The following SAMD3 variants were observed in gnomAD, a reference collection of about 807,000 sequenced individuals.
The protein encoded by SAMD3 is sterile alpha motif domain containing 3.
In SAMD3, 63 loss-of-function variants were observed where a neutral mutation model predicts 58.5. The ratio of observed to expected loss-of-function variants is 1.08; its 90% CI spans 0.88 to 1.33. The LOEUF is 1.33. SAMD3 is among the 40% of genes most tolerant of loss of function. The pLI, the probability that SAMD3 is intolerant of heterozygous loss-of-function variation, is 0.00. For synonymous variants in SAMD3, 220 were observed against 210.3 expected, an observed-to-expected ratio of 1.05 and a Z score of -0.40; for missense variants, 604 against 608.4, an observed-to-expected ratio of 0.99 and a Z score of 0.08.
intron 2 of SAMD3, among the ~76,000 whole-genome samples, chr6:130,244,520 A>G (rs1773470790): frequency 1.3e-5 from 2 of 152,058 alleles, no homozygotes; most frequent in African/African-American, 4.8e-5. Context: ...AGGGAGAATC[A>G]CCTGAACTCA....
chr6:130,311,671 T>A (rs1272438411), intron 2 of SAMD3, among the ~76,000 whole-genome samples: 1 of 152,182 alleles, frequency 6.6e-6, no homozygotes, highest in Non-Finnish European at 1.5e-5. Context: ...GATGGTCTCC[T>A]CTGTCCACAT....
chr6:130,229,417 CTCTT>C (rs1796477763), intron 2 of SAMD3, among the ~76,000 whole-genome samples: 1 of 152,284 alleles, frequency 6.6e-6, no homozygotes, highest in Admixed American at 6.5e-5. Flanking sequence ...ACTTATCTTT[CTCTT>C]TACCCTGGTG....
intron 1 of SAMD3, among the ~76,000 whole-genome samples, chr6:130,326,487 A>G (rs576845528): frequency 3.4e-5 from 5 of 147,872 alleles, no homozygotes; most frequent in African/African-American, 1.3e-4. Context: ...CTTTTGTCCT[A>G]TTGTACCTTG....
chr6:130,187,932 A>T (rs1258422542), intron 5 of SAMD3, among the ~76,000 whole-genome samples: 1 of 152,222 alleles, frequency 6.6e-6, no homozygotes, highest in South Asian at 2.1e-4. Context: ...GTTAATGCCT[A>T]CAGTTGGCCC....
At chr6:130,236,398 T>TTTTG (rs999090216) in intron 2 of SAMD3, among the ~76,000 whole-genome samples, 14 of 151,892 alleles carry the variant, frequency 9.2e-5, no homozygotes, top group Admixed American at 5.9e-4. Context: ...TTTTTTTTTT[T>TTTTG]TCCGAGATGG....
intron 10 of SAMD3, 115 bp from the exon 11 acceptor site, chr6:130,145,537 C>T: frequency 1.6e-6 from 1 of 609,114 alleles, no homozygotes; most frequent in Non-Finnish European, 2.9e-6. Context: ...AACAAACTAG[C>T]CTTCTTAGAT....
intron 2 of SAMD3, among the ~76,000 whole-genome samples, chr6:130,308,441 T>TCTATTCTATTCTA (rs1776023834): frequency 6.7e-6 from 1 of 150,034 alleles, no homozygotes; most frequent in South Asian, 2.1e-4. Flanking sequence ...TTCTATTCTT[T>TCTATTCTATTCTA]TGTGTGTGTG....
chr6:130,279,029 C>T (rs1774887786), intron 2 of SAMD3, among the ~76,000 whole-genome samples: 1 of 152,164 alleles, frequency 6.6e-6, no homozygotes, highest in Non-Finnish European at 1.5e-5. Flanking sequence ...TAATTCTCAG[C>T]TCCACTACTT....
At chr6:130,277,280 A>G (rs562878418) in intron 2 of SAMD3, among the ~76,000 whole-genome samples, 1 of 152,120 alleles carries the variant, frequency 6.6e-6, no homozygotes, top group Non-Finnish European at 1.5e-5. Flanking sequence ...TTAGGGTGGG[A>G]CTATTATCAT....
intron 7 of SAMD3, chr6:130,176,314 C>T: frequency 3.1e-6 from 1 of 323,662 alleles, no homozygotes; most frequent in Non-Finnish European, 5.8e-6. Flanking sequence ...TTTCTAATTC[C>T]CAAAAGTGAT....
chr6:130,165,196 C>T (rs1329954927), intron 8 of SAMD3, among the ~76,000 whole-genome samples: 1 of 151,954 alleles, frequency 6.6e-6, no homozygotes, highest in Non-Finnish European at 1.5e-5. Context: ...AAATGAAGAC[C>T]TCTTAGTGAT....
chr6:130,260,542 G>A (rs544817947), intron 2 of SAMD3, among the ~76,000 whole-genome samples: 15 of 152,286 alleles, frequency 9.8e-5, no homozygotes, highest in South Asian at 2.1e-4. Flanking sequence ...CAATGCTCCC[G>A]GCTGAATAAA....
intron 1 of SAMD3, among the ~76,000 whole-genome samples, chr6:130,336,416 T>C (rs751728568): frequency 4.6e-5 from 7 of 152,218 alleles, no homozygotes; most frequent in Non-Finnish European, 1.0e-4. Context: ...TGGGGCTATC[T>C]CTGGGAAAGT....
chr6:130,227,988 C>T lies in SAMD3; in HGVS notation c.-187-5175G>A, dbSNP rs145492439. Among the ~76,000 whole-genome samples the T allele has an allele frequency of 1.5e-4, 23 of 152,032 alleles. No homozygotes were observed. In the East Asian group the frequency reaches 4.5e-3, roughly 29 times the overall value. On this transcript the variant is annotated intron_variant, in intron 2 of 13. Transcript: ENST00000368134. Reference sequence around the variant, plus strand: ...TGCACAGCTAATTGAATAAGGATACCCTTTTTAAGAAAAATCAGGTCCAGC... The same window carrying T: ...TGCACAGCTAATTGAATAAGGATACTCTTTTTAAGAAAAATCAGGTCCAGC...
At chr6:130,195,392 G>T (rs1318769995) in intron 5 of SAMD3, among the ~76,000 whole-genome samples, 1 of 152,146 alleles carries the variant, frequency 6.6e-6, no homozygotes, top group South Asian at 2.1e-4. Context: ...ACAGCATGGT[G>T]TTTTAAAGCC....
At chr6:130,168,557 A>C (rs1485862046) in intron 8 of SAMD3, among the ~76,000 whole-genome samples, 11 of 152,178 alleles carry the variant, frequency 7.2e-5, no homozygotes, top group Admixed American at 7.2e-4. Flanking sequence ...TAAGCAAAAC[A>C]AAAGAAAATC....
chr6:130,203,907 G>A (rs1415546150), intron 5 of SAMD3, among the ~76,000 whole-genome samples: 1 of 152,166 alleles, frequency 6.6e-6, no homozygotes, highest in Non-Finnish European at 1.5e-5. Context: ...ACAACTGTAT[G>A]GCCCCTTGCC....
intron 2 of SAMD3, among the ~76,000 whole-genome samples, chr6:130,293,814 A>G (rs1278740040): frequency 2.0e-5 from 3 of 151,800 alleles, no homozygotes; most frequent in Non-Finnish European, 4.4e-5. Context: ...ACTACCAAAG[A>G]CTTCATAGTT....
intron 8 of SAMD3, among the ~76,000 whole-genome samples, chr6:130,157,077 AAAT>A (rs1789851628): frequency 3.9e-4 from 4 of 10,146 alleles, no homozygotes; most frequent in African/African-American, 1.1e-3. Flanking sequence ...CTCAAAAAAT[AAAT>A]AAATAAATAA....
Sources: gnomAD v4.1 joint callset for allele counts (sites outside exome capture counted in the v4.1 genomes callset) on GRCh38, gnomAD v4.1.1 for gene constraint, MANE v1.5 for transcripts, NCBI Gene and HGNC (gene_info 2026-07-23, HGNC 2026-07-21) for gene names.